The following CXCL13 variants were observed in gnomAD, a reference collection of about 807,000 sequenced individuals.
The protein encoded by CXCL13 is C-X-C motif chemokine ligand 13.
CXCL13 carries 7 observed loss-of-function variants against 12.2 expected under a neutral mutation model. The ratio of observed to expected loss-of-function variants is 0.57; its 90% confidence interval spans 0.33 to 1.07. The LOEUF (loss-of-function observed/expected upper bound fraction) is 1.07. CXCL13 is among the 50% of genes least tolerant of loss of function. CXCL13 has a pLI of 0.04. For synonymous variants in CXCL13, 47 were observed against 42.4 expected (o/e 1.11, Z -0.42); for missense variants, 113 against 127.4 (o/e 0.89, Z 0.55).
chr4:77,517,565 C>A (rs182062179), intron 1 of CXCL13, among the ~76,000 whole-genome samples: 16 of 152,162 alleles, frequency 1.1e-4, no homozygotes, highest in African/African-American at 3.6e-4. Context: ...TATGTAATGG[C>A]CTTCTTTGTC....
At chr4:77,566,249 A>G (rs1294347221) in intron 1 of CXCL13, among the ~76,000 whole-genome samples, 3 of 152,202 alleles carry the variant, frequency 2.0e-5, no homozygotes, top group African/African-American at 7.2e-5. Flanking sequence ...TAGAAAATAC[A>G]CATTTAAAAT....
chr4:77,559,619 G>A lies in CXCL13; in HGVS notation c.-42-46205G>A, dbSNP rs766586574. Among the ~76,000 whole-genome samples, 104 of 152,014 alleles carry A rather than the reference G, an allele frequency of 6.8e-4. 1 individual carries two copies. Among genetic ancestry groups the A allele is most frequent in the Non-Finnish European group, 1.2e-3 (82 of 67,976 alleles). The stretch of plus-strand genomic sequence containing the variant: ...TGTGTGTGTGTGTGTGTGATTGAAA[G>A]TAAAGTAAAACCTGACACTCTGGCC... On this transcript the variant is annotated intron_variant, in intron 1 of 4. Coordinates refer to the CXCL13 transcript ENST00000286758.
intron 1 of CXCL13, among the ~76,000 whole-genome samples, chr4:77,523,813 C>T (rs562586433): frequency 6.6e-6 from 1 of 152,346 alleles, no homozygotes; most frequent in South Asian, 2.1e-4. Flanking sequence ...GAATTTTCAG[C>T]TTTTCTGCTC....
At chr4:77,566,066 T>C (rs1250237996) in intron 1 of CXCL13, among the ~76,000 whole-genome samples, 1 of 152,196 alleles carries the variant, frequency 6.6e-6, no homozygotes, top group Non-Finnish European at 1.5e-5. Context: ...TTTCATAGAC[T>C]AATGATTCAG....
intron 3 of CXCL13, 110 bp downstream of exon 3, chr4:77,610,804 C>G: frequency 4.1e-6 from 4 of 965,394 alleles, no homozygotes; most frequent in Non-Finnish European, 5.0e-6. Flanking sequence ...GTTCCTAAGA[C>G]AAATGTGTGT....
chr4:77,565,654 T>C (rs1725909733), intron 1 of CXCL13, among the ~76,000 whole-genome samples: 1 of 152,216 alleles, frequency 6.6e-6, no homozygotes, highest in Non-Finnish European at 1.5e-5. Context: ...ATTATTTGAA[T>C]ATCTATCAAG....
chr4:77,609,740 G>A (rs1029792868), intron 2 of CXCL13, among the ~76,000 whole-genome samples: 1 of 152,208 alleles, frequency 6.6e-6, no homozygotes, highest in African/African-American at 2.4e-5. Flanking sequence ...TTCAGATAAA[G>A]CATTTAACAC....
chr4:77,587,819 T>C (rs773898897), intron 1 of CXCL13, among the ~76,000 whole-genome samples: 1 of 152,210 alleles, frequency 6.6e-6, no homozygotes, highest in Non-Finnish European at 1.5e-5. Context: ...AGCGTGAAAC[T>C]GTCTGGTACG....
At chr4:77,524,571 G>A (rs894344843) in intron 1 of CXCL13, among the ~76,000 whole-genome samples, 4 of 152,164 alleles carry the variant, frequency 2.6e-5, no homozygotes, top group Admixed American at 6.5e-5. Context: ...CTAAGACCTC[G>A]GGAAAAGTTC....
chr4:77,515,792 C>A (rs76169246), intron 1 of CXCL13, among the ~76,000 whole-genome samples: 1 of 152,114 alleles, frequency 6.6e-6, no homozygotes, highest in East Asian at 1.9e-4. Flanking sequence ...AACTGAATAC[C>A]CTTTATTTCC....
intron 1 of CXCL13, among the ~76,000 whole-genome samples, chr4:77,580,550 C>G (rs534521636): frequency 6.6e-6 from 1 of 151,808 alleles, no homozygotes; most frequent in South Asian, 2.1e-4. Flanking sequence ...TGGTTTCCAT[C>G]TCTTGACCTC....
intron 1 of CXCL13, among the ~76,000 whole-genome samples, chr4:77,523,168 A>G (rs1193794086): frequency 6.6e-6 from 1 of 152,110 alleles, no homozygotes; most frequent in East Asian, 1.9e-4. Context: ...AACCTTGGTG[A>G]ATCTGACAAT....
chr4:77,526,162 A>G (rs1724758908), intron 1 of CXCL13, among the ~76,000 whole-genome samples: 1 of 152,122 alleles, frequency 6.6e-6, no homozygotes, highest in Non-Finnish European at 1.5e-5. Flanking sequence ...TTTGGATCAT[A>G]AAATTGTTCC....
At chr4:77,549,255 C>A (rs922257194) in intron 1 of CXCL13, among the ~76,000 whole-genome samples, 11 of 152,112 alleles carry the variant, frequency 7.2e-5, no homozygotes, top group African/African-American at 2.7e-4. Flanking sequence ...TTTTCAAGGC[C>A]TTTAGCTTCC....
At chr4:77,590,919 A>G (rs117605823) in intron 1 of CXCL13, among the ~76,000 whole-genome samples, 5,831 of 152,250 alleles carry the variant, frequency 0.038, 353 homozygotes, top group African/African-American at 0.13. Flanking sequence ...TCACTCTGTC[A>G]CCCAGTCTGG....
intron 1 of CXCL13, among the ~76,000 whole-genome samples, chr4:77,569,169 G>T (rs563375047): frequency 6.6e-6 from 1 of 152,138 alleles, no homozygotes; most frequent in Non-Finnish European, 1.5e-5. Flanking sequence ...TACTGAATGG[G>T]TAAAAGCTGG....
intron 1 of CXCL13, among the ~76,000 whole-genome samples, chr4:77,518,979 G>T (rs1441340155): frequency 2.0e-5 from 3 of 152,130 alleles, no homozygotes; most frequent in Non-Finnish European, 4.4e-5. Context: ...TGGTGTGGAT[G>T]TCCTTTCTGT....
intron 1 of CXCL13, among the ~76,000 whole-genome samples, chr4:77,585,789 G>A (rs1249682920): frequency 6.6e-6 from 1 of 152,074 alleles, no homozygotes; most frequent in Non-Finnish European, 1.5e-5. Context: ...AGCTATAATA[G>A]GCCCCAAAGC....
intron 1 of CXCL13, among the ~76,000 whole-genome samples, chr4:77,592,698 G>A (rs1235972250): frequency 6.6e-6 from 1 of 152,174 alleles, no homozygotes; most frequent in Non-Finnish European, 1.5e-5. Flanking sequence ...AGGGGGAGCT[G>A]GGCAGCAAGG....
Sources: gnomAD v4.1 joint callset for allele counts (sites outside exome capture counted in the v4.1 genomes callset) on GRCh38, gnomAD v4.1.1 for gene constraint, MANE v1.5 for transcripts, NCBI Gene and HGNC (gene_info 2026-07-23, HGNC 2026-07-21) for gene names.